SDK1: variants seen among roughly 807,000 people sequenced by gnomAD.
SDK1 encodes the protein sidekick cell adhesion molecule 1, also known as protein sidekick-1.
In SDK1, 157 loss-of-function variants were observed where a neutral mutation model predicts 245.5. The ratio of observed to expected loss-of-function variants is 0.64; its 90% confidence interval spans 0.56 to 0.73. SDK1 has a LOEUF of 0.73. Ranked by LOEUF, SDK1 falls within the 30% of genes least tolerant of loss-of-function variation. SDK1 has a pLI of 0.00. For synonymous variants in SDK1, 1,647 were observed against 1,278.5 expected, an observed-to-expected ratio of 1.29 and a Z score of -6.15; for missense variants, 3,583 against 3,002.3, an observed-to-expected ratio of 1.19 and a Z score of -4.52.
chr7:3,749,970 G>T (rs373845533), intron 4 of SDK1, among the ~76,000 whole-genome samples: 8 of 152,318 alleles, frequency 5.3e-5, no homozygotes, highest in African/African-American at 1.9e-4. Context: ...GAATCTGGGT[G>T]TTTTTCACAC....
intron 25 of SDK1, among the ~76,000 whole-genome samples, 153 bp downstream of exon 25, chr7:4,114,427 C>T (rs959426322): frequency 5.9e-5 from 9 of 152,098 alleles, no homozygotes; most frequent in African/African-American, 1.9e-4. Context: ...TGGCCAGACT[C>T]GGCAGGAATT....
intron 1 of SDK1, among the ~76,000 whole-genome samples, chr7:3,615,473 TGA>T (rs1781737340): frequency 6.6e-6 from 1 of 151,752 alleles, no homozygotes; most frequent in African/African-American, 2.4e-5. Flanking sequence ...CTCCTGACTT[TGA>T]GTTACATGTG....
intron 41 of SDK1, among the ~76,000 whole-genome samples, chr7:4,234,526 G>A (rs187059116): frequency 6.6e-5 from 10 of 152,268 alleles, no homozygotes; most frequent in Admixed American, 3.9e-4. Context: ...AGAAGGTGGC[G>A]GAGAAAAAGT....
chr7:3,935,083 C>A (rs1201803894), intron 5 of SDK1, among the ~76,000 whole-genome samples: 2 of 152,202 alleles, frequency 1.3e-5, no homozygotes, highest in African/African-American at 4.8e-5. Context: ...CCGGTCATAT[C>A]TCTGGCCACA....
intron 19 of SDK1, among the ~76,000 whole-genome samples, chr7:4,056,515 C>T (rs1779207699): frequency 6.6e-6 from 1 of 152,118 alleles, no homozygotes; most frequent in Non-Finnish European, 1.5e-5. Flanking sequence ...TGCAGCAGCT[C>T]CTCCGGGACT....
intron 1 of SDK1, among the ~76,000 whole-genome samples, chr7:3,490,711 G>A (rs538856585): frequency 6.6e-6 from 1 of 152,322 alleles, no homozygotes; most frequent in Non-Finnish European, 1.5e-5. Flanking sequence ...ATCCTTAAAT[G>A]AGGCCAGGCA....
chr7:3,601,182 A>C lies in SDK1; in HGVS notation c.299-17898A>C, dbSNP rs565560548. On this transcript the variant is annotated intron_variant, in intron 1 of 44. Transcript: ENST00000404826. The stretch of plus-strand genomic sequence containing the variant: ...TATGAGAGATACTGGTCTATAGTTT[A>C]CTTTTTTGTATTTGTCAAGATTTTA... Among the ~76,000 whole-genome samples, 4 of 152,216 alleles carry C rather than the reference A, an allele frequency of 2.6e-5. No individual in the cohort carries two copies. In the East Asian group the frequency reaches 7.7e-4, roughly 29 times the overall value.
At chr7:3,941,655 G>A (rs1046377450) in intron 5 of SDK1, among the ~76,000 whole-genome samples, 5 of 152,098 alleles carry the variant, frequency 3.3e-5, no homozygotes, top group East Asian at 1.9e-4. Context: ...CACACTCCAC[G>A]GCCTGCCATC....
chr7:3,587,583 C>A (rs1481795963), intron 1 of SDK1, among the ~76,000 whole-genome samples: 1 of 152,182 alleles, frequency 6.6e-6, no homozygotes, highest in Non-Finnish European at 1.5e-5. Flanking sequence ...CAACTTTCCT[C>A]CGCTTTTTCA....
Position 3,699,858 on chromosome 7 carries a change from G to A in SDK1, c.713+57753G>A, listed in dbSNP as rs565198829. On this transcript the variant is annotated intron_variant, in intron 4 of 44. Coordinates refer to ENST00000404826, the MANE Select transcript of SDK1 (RefSeq NM_152744.4). ...AAAACACATAACCTTTCAAGAAGCC[G>A]AGAGAATCCCAAGATCAAAGAAATG... Among the ~76,000 whole-genome samples, 8 of 152,244 alleles carry A rather than the reference G, an allele frequency of 5.3e-5. No individual in the cohort carries two copies. The East Asian group carries it at 5.8e-4, about 11-fold the overall frequency.
chr7:3,937,982 C>T (rs1404284565), intron 5 of SDK1, among the ~76,000 whole-genome samples: 1 of 152,224 alleles, frequency 6.6e-6, no homozygotes, highest in African/African-American at 2.4e-5. Flanking sequence ...GGATTACAGG[C>T]ACCTACCACC....
chr7:3,738,367 T>C (rs950433723), intron 4 of SDK1, among the ~76,000 whole-genome samples: 12 of 152,220 alleles, frequency 7.9e-5, no homozygotes, highest in Non-Finnish European at 1.8e-4. Flanking sequence ...TTTGCCAGGG[T>C]TTATTTCTGG....
intron 1 of SDK1, among the ~76,000 whole-genome samples, chr7:3,316,340 G>A (rs560032869): frequency 6.6e-6 from 1 of 152,206 alleles, no homozygotes; most frequent in African/African-American, 2.4e-5. Context: ...TGGCTCCTGT[G>A]TTCAGTACAG....
At chr7:3,322,125 G>A (rs944231875) in intron 1 of SDK1, among the ~76,000 whole-genome samples, 6 of 151,724 alleles carry the variant, frequency 4.0e-5, no homozygotes, top group South Asian at 2.1e-4. Context: ...TCTAGTTCCG[G>A]GACAGTTTCA....
rs141651904 is a variant in SDK1, at chr7:3,351,746, C to CA, written c.298+49867dup. Among the ~76,000 whole-genome samples, 765 of 152,162 alleles carry CA rather than the reference C, an allele frequency of 5.0e-3. 7 individuals are homozygous for CA. Among genetic ancestry groups the CA allele is most frequent in the African/African-American group, 0.018 (728 of 41,528 alleles). On this transcript the variant is annotated intron_variant, in intron 1 of 44. Transcript: ENST00000404826. ...AGATATAGGTACATATTATATAAAG[C>CA]AAAAATATACAGAAACAAGAAAAAT...
chr7:3,360,378 T>G (rs753734845), intron 1 of SDK1, among the ~76,000 whole-genome samples: 93 of 152,290 alleles, frequency 6.1e-4, no homozygotes, highest in Middle Eastern at 3.4e-3. Context: ...GAATGGGTAT[T>G]TTAAAGCAAT....
chr7:4,223,620 C>T (rs1356989668), intron 40 of SDK1, among the ~76,000 whole-genome samples: 4 of 152,134 alleles, frequency 2.6e-5, no homozygotes, highest in African/African-American at 2.4e-5. Flanking sequence ...ATGAGGACGC[C>T]AGTCATACTA....
intron 5 of SDK1, among the ~76,000 whole-genome samples, chr7:3,848,781 C>G (rs1299573446): frequency 6.6e-6 from 1 of 152,174 alleles, no homozygotes; most frequent in African/African-American, 2.4e-5. Flanking sequence ...AAGCAATTCT[C>G]CTGCCTCAGC....
At chr7:3,423,584 TC>T (rs1294058819) in intron 1 of SDK1, among the ~76,000 whole-genome samples, 1 of 151,792 alleles carries the variant, frequency 6.6e-6, no homozygotes, top group African/African-American at 2.4e-5. Flanking sequence ...TTTTTTTTTT[TC>T]AGTTTTGTTT....
Sources: gnomAD v4.1 joint callset for allele counts (sites outside exome capture counted in the v4.1 genomes callset) on GRCh38, gnomAD v4.1.1 for gene constraint, MANE v1.5 for transcripts, NCBI Gene and HGNC (gene_info 2026-07-23, HGNC 2026-07-21) for gene names.